CSMD1: variants seen among roughly 807,000 people sequenced by gnomAD.
CSMD1 encodes CUB and sushi domain-containing protein 1.
Under a neutral mutation model 417.5 loss-of-function variants are expected in CSMD1, and 213 were observed. The ratio of observed to expected loss-of-function variants is 0.51; its 90% CI spans 0.46 to 0.57. CSMD1 has a LOEUF of 0.57. CSMD1 is among the 20% of genes least tolerant of loss of function. The pLI is 0.00. For synonymous variants in CSMD1, 2,862 were observed against 1,736.8 expected (o/e 1.65, Z -16.11); for missense variants, 6,923 against 4,529.7 (o/e 1.53, Z -15.17).
At chr8:4,624,667 G>C (rs534689011) in intron 2 of CSMD1, among the ~76,000 whole-genome samples, 2 of 152,208 alleles carry the variant, frequency 1.3e-5, no homozygotes, top group African/African-American at 4.8e-5. Context: ...CAGCTGCTCT[G>C]TTTACACGGG....
chr8:3,964,652 G>A (rs1240752858), intron 5 of CSMD1, among the ~76,000 whole-genome samples: 1 of 152,168 alleles, frequency 6.6e-6, no homozygotes, highest in Non-Finnish European at 1.5e-5. Context: ...TGCTATTCAA[G>A]TTGAGGTGTC....
In CSMD1 at chr8:4,466,687, C is replaced by G. The variant is rs572340349; in HGVS notation, c.303-46622G>C. ...ATAACTCTGAGTTGGGATATGTTCT[C>G]CAGTCCCAGCTTTTTAAAAATTTTA... On this transcript the variant is annotated intron_variant, in intron 2 of 69. Transcript: ENST00000635120. 3.3e-4 allele frequency among the ~76,000 whole-genome samples: 50 copies of G among 152,218 alleles called. No homozygotes were observed. The South Asian group carries it at 9.9e-3, about 30-fold the overall frequency.
intron 5 of CSMD1, among the ~76,000 whole-genome samples, chr8:3,773,650 T>C (rs1435936819): frequency 6.6e-6 from 1 of 152,154 alleles, no homozygotes; most frequent in Non-Finnish European, 1.5e-5. Flanking sequence ...TTTTATTCAA[T>C]TTTGGCCTTA....
At chr8:3,236,023 T>C (rs1191544394) in intron 26 of CSMD1, among the ~76,000 whole-genome samples, 2 of 147,958 alleles carry the variant, frequency 1.4e-5, no homozygotes, top group Non-Finnish European at 3.0e-5. Flanking sequence ...GTTCACGCCA[T>C]TCTCCTTCCT....
rs1023755588 is a variant in CSMD1 at position 2,937,062 on chromosome 8, G to C, written c.*1523C>G. On this transcript the variant is annotated 3_prime_UTR_variant, in exon 70 of 70. Coordinates refer to ENST00000635120, the MANE Select transcript of CSMD1 (RefSeq NM_033225.6). ...TTTTATCAAATAAGTATAAGTAAAA[G>C]TAAACATGATTTTCACTTTGAATTT... 1 of 152,124 alleles carries C rather than the reference G, an allele frequency of 6.6e-6. No individual in the cohort carries two copies. The highest frequency in any genetic ancestry group is 2.4e-5 in the African/African-American group (1 of 41,416). The allele number at this position is 152,124 out of a possible 1,614,324, so 9.4% of individuals were successfully genotyped here. A position where few individuals can be genotyped will look rare whatever the true frequency, so the allele number is the denominator to read the frequency against.
At chr8:3,213,843 T>C (rs115530271) in intron 30 of CSMD1, among the ~76,000 whole-genome samples, 1 of 141,978 alleles carries the variant, frequency 7.0e-6, no homozygotes, top group African/African-American at 2.8e-5. Flanking sequence ...TGTGTGTGTG[T>C]GTATATACAT....
chr8:4,533,552 T>A (rs992313103), intron 2 of CSMD1, among the ~76,000 whole-genome samples: 1 of 151,066 alleles, frequency 6.6e-6, no homozygotes, highest in African/African-American at 2.5e-5. Flanking sequence ...TTCTTGGGAA[T>A]TTTTTTTTCA....
At chr8:3,809,453 G>T (rs1394459716) in intron 5 of CSMD1, among the ~76,000 whole-genome samples, 1 of 152,170 alleles carries the variant, frequency 6.6e-6, no homozygotes, top group Admixed American at 6.5e-5. Flanking sequence ...CAAACTACCT[G>T]GTTCCTGGGG....
At chr8:4,699,521 T>TTA (rs1391413161) in intron 1 of CSMD1, among the ~76,000 whole-genome samples, 2 of 152,210 alleles carry the variant, frequency 1.3e-5, no homozygotes, top group Non-Finnish European at 2.9e-5. Context: ...AACACTCAGC[T>TTA]TATGTTCTTT....
intron 1 of CSMD1, among the ~76,000 whole-genome samples, chr8:4,746,269 G>C (rs1259884529): frequency 2.0e-5 from 3 of 152,158 alleles, no homozygotes; most frequent in Non-Finnish European, 2.9e-5. Flanking sequence ...TCTTCTTCTA[G>C]GTGACGTACT....
chr8:3,520,627 T>C (rs2117447253), intron 10 of CSMD1, among the ~76,000 whole-genome samples: 1 of 152,276 alleles, frequency 6.6e-6, no homozygotes, highest in Non-Finnish European at 1.5e-5. Flanking sequence ...CACTGGCTGT[T>C]TCCTGGTTCA....
At chr8:3,271,198 G>T (rs182913135) in intron 26 of CSMD1, among the ~76,000 whole-genome samples, 3 of 151,312 alleles carry the variant, frequency 2.0e-5, no homozygotes, top group Non-Finnish European at 4.4e-5. Context: ...TTGTTCTTGC[G>T]ATAGTTTACT....
At chr8:4,987,630 G>A (rs1170128781) in intron 1 of CSMD1, among the ~76,000 whole-genome samples, 1 of 152,170 alleles carries the variant, frequency 6.6e-6, no homozygotes, top group Non-Finnish European at 1.5e-5. Flanking sequence ...AATATTGAGT[G>A]TCAACATGAT....
intron 2 of CSMD1, among the ~76,000 whole-genome samples, chr8:4,424,670 T>C (rs1355413810): frequency 6.6e-6 from 1 of 152,072 alleles, no homozygotes; most frequent in Non-Finnish European, 1.5e-5. Flanking sequence ...ACATTTCCTT[T>C]AAAAACGAAA....
chr8:4,410,061 G>C (rs1796565061), intron 3 of CSMD1, among the ~76,000 whole-genome samples: 1 of 152,144 alleles, frequency 6.6e-6, no homozygotes, highest in African/African-American at 2.4e-5. Context: ...ATCCACACCT[G>C]CCGTGGCCTC....
chr8:3,457,825 G>A (rs966813241), intron 12 of CSMD1, among the ~76,000 whole-genome samples: 9 of 152,270 alleles, frequency 5.9e-5, no homozygotes, highest in African/African-American at 1.7e-4. Flanking sequence ...TGTTGTATCC[G>A]ATGCAGGGAT....
At chr8:3,579,506 A>G (rs1800292455) in intron 9 of CSMD1, among the ~76,000 whole-genome samples, 1 of 152,150 alleles carries the variant, frequency 6.6e-6, no homozygotes. Flanking sequence ...TTTAAAGCAA[A>G]TTTATAATTA....
At chr8:4,632,140 T>C (rs904270405) in intron 2 of CSMD1, among the ~76,000 whole-genome samples, 1 of 152,234 alleles carries the variant, frequency 6.6e-6, no homozygotes, top group Admixed American at 6.5e-5. Context: ...AGGAGAGAGT[T>C]ACATTAAGTC....
chr8:3,089,915 G>C (rs1248060052), intron 48 of CSMD1, among the ~76,000 whole-genome samples: 4 of 152,110 alleles, frequency 2.6e-5, no homozygotes, highest in Admixed American at 2.6e-4. Flanking sequence ...ATATCACCAG[G>C]CTACTAAGAA....
Sources: allele counts gnomAD v4.1 joint callset (sites outside exome capture counted in the v4.1 genomes callset), GRCh38; gene constraint gnomAD v4.1.1; transcripts MANE v1.5; gene names NCBI Gene and HGNC (gene_info 2026-07-23, HGNC 2026-07-21).